The following SBF2 variants were observed in gnomAD, a reference collection of about 807,000 sequenced individuals.
The protein encoded by SBF2 is SET binding factor 2.
In SBF2, 112 loss-of-function variants were observed where a neutral mutation model predicts 225.2. The observed-to-expected ratio is 0.50, with a 90% CI of 0.43 to 0.58. The LOEUF (loss-of-function observed/expected upper bound fraction) is 0.58. Among genes scored for constraint, SBF2 ranks in the 20% least tolerant of loss-of-function variants. The pLI is 0.00. For missense variants in SBF2, 1,996 were observed against 2,206.2 expected (o/e 0.90, Z 1.91); for synonymous variants, 763 against 773.3 (o/e 0.99, Z 0.22).
chr11:10,070,029 T>G (rs1176707608), intron 2 of SBF2, among the ~76,000 whole-genome samples: 1 of 152,236 alleles, frequency 6.6e-6, no homozygotes, highest in Non-Finnish European at 1.5e-5. Context: ...TAAATTTGTT[T>G]AAGTTCTTTG....
At chr11:10,270,948 T>C (rs1261923124) in intron 1 of SBF2, among the ~76,000 whole-genome samples, 2 of 140,084 alleles carry the variant, frequency 1.4e-5, no homozygotes, top group African/African-American at 5.5e-5. Flanking sequence ...TGAGCCAAGA[T>C]TGTGCCACTG....
intron 2 of SBF2, among the ~76,000 whole-genome samples, chr11:10,134,017 G>A (rs1466989074): frequency 6.6e-6 from 1 of 152,224 alleles, no homozygotes; most frequent in Non-Finnish European, 1.5e-5. Context: ...ATTTTATGCT[G>A]CTGATAAAGA....
chr11:10,249,633 T>C (rs900967237), intron 1 of SBF2, among the ~76,000 whole-genome samples: 3 of 151,982 alleles, frequency 2.0e-5, no homozygotes, highest in African/African-American at 7.2e-5. Context: ...CTTTAACATA[T>C]TTAATAAGCT....
intron 14 of SBF2, among the ~76,000 whole-genome samples, chr11:9,964,975 G>C (rs1300838192): frequency 6.6e-6 from 1 of 152,080 alleles, no homozygotes; most frequent in East Asian, 1.9e-4. Flanking sequence ...CAACCAAAAT[G>C]ATGTATATTG....
chr11:10,225,566 T>C (rs1394362661), intron 1 of SBF2, among the ~76,000 whole-genome samples: 1 of 152,160 alleles, frequency 6.6e-6, no homozygotes, highest in Non-Finnish European at 1.5e-5. Flanking sequence ...TGATCCATTT[T>C]TGTGTCTTGT....
chr11:9,977,837 T>C (rs368784729), intron 13 of SBF2, among the ~76,000 whole-genome samples: 3 of 152,178 alleles, frequency 2.0e-5, no homozygotes, highest in African/African-American at 7.2e-5. Flanking sequence ...TTACAATTCA[T>C]CCTACTCACA....
intron 2 of SBF2, among the ~76,000 whole-genome samples, chr11:10,062,212 T>A (rs1565186464): frequency 1.3e-5 from 2 of 152,180 alleles, no homozygotes; most frequent in Non-Finnish European, 2.9e-5. Context: ...AAGACTTAAA[T>A]GTAAAACCCA....
chr11:9,994,317 A>G (rs981857584), intron 9 of SBF2, among the ~76,000 whole-genome samples: 2 of 151,754 alleles, frequency 1.3e-5, no homozygotes, highest in Admixed American at 6.6e-5. Flanking sequence ...TACTAAAAAT[A>G]CAAAAAAATT....
chr11:9,939,013 G>A lies in SBF2; in HGVS notation c.1860+22944C>T, dbSNP rs1032440639. 5.3e-5 allele frequency among the ~76,000 whole-genome samples: 8 copies of A among 152,134 alleles called. No individual in the cohort carries two copies. The East Asian group carries it at 5.8e-4, about 11-fold the overall frequency. ...AAAAAGTTAACCCAAAAGAAAAAAA[G>A]GCAAAAAGTATACATAAGCAAGTCA... On this transcript the variant is annotated intron_variant, in intron 16 of 39. Coordinates refer to ENST00000256190, the MANE Select transcript of SBF2 (RefSeq NM_030962.4).
intron 1 of SBF2, among the ~76,000 whole-genome samples, chr11:10,284,310 T>C (rs1022314025): frequency 6.6e-6 from 1 of 152,224 alleles, no homozygotes; most frequent in African/African-American, 2.4e-5. Context: ...TGCAATTTTA[T>C]CACACATGAA....
At chr11:9,915,712 G>A (rs1863027256) in intron 16 of SBF2, 1 of 152,018 alleles carries the variant, frequency 6.6e-6, no homozygotes, top group Admixed American at 6.6e-5. Context: ...TAAATAAAAT[G>A]TATAAAAAAC....
chr11:10,051,314 G>C (rs1308721201), intron 2 of SBF2, among the ~76,000 whole-genome samples: 1 of 152,110 alleles, frequency 6.6e-6, no homozygotes, highest in Non-Finnish European at 1.5e-5. Context: ...GAAAAAGAAT[G>C]TGAGAGTTTA....
At chr11:10,287,401 C>T (rs1297943347) in intron 1 of SBF2, among the ~76,000 whole-genome samples, 4 of 152,118 alleles carry the variant, frequency 2.6e-5, no homozygotes, top group East Asian at 1.9e-4. Context: ...CCCATCTTAG[C>T]ATCCGAAGTA....
intron 16 of SBF2, among the ~76,000 whole-genome samples, chr11:9,922,155 A>G (rs555873532): frequency 6.6e-6 from 1 of 152,140 alleles, no homozygotes; most frequent in Non-Finnish European, 1.5e-5. Flanking sequence ...CTGAGGTGGG[A>G]GGACTGGTTG....
Position 10,294,100 on chromosome 11 carries a change from C to T in SBF2, c.-31G>A, listed in dbSNP as rs1259222765. 1 of 1,332,252 alleles carries T rather than the reference C, an allele frequency of 7.5e-7. No homozygotes were observed. 82.5% of individuals were successfully genotyped at this position (1,332,252 alleles called of 1,614,324 possible). A position where few individuals can be genotyped will look rare whatever the true frequency, so the allele number is the denominator to read the frequency against. On this transcript the variant is annotated 5_prime_UTR_variant, in exon 1 of 40. Coordinates refer to ENST00000256190, the MANE Select transcript of SBF2 (RefSeq NM_030962.4). ...CCGCCGCCGCGCTCGGGAAGCGGGTCCCCGTCGCCGCCCTCGCCGCCGCCG... is the reference window on the plus strand; with the variant it reads ...CCGCCGCCGCGCTCGGGAAGCGGGTTCCCGTCGCCGCCCTCGCCGCCGCCG...
intron 36 of SBF2, among the ~76,000 whole-genome samples, chr11:9,786,649 T>C (rs1053787354): frequency 3.9e-5 from 6 of 152,188 alleles, no homozygotes; most frequent in Admixed American, 3.9e-4. Flanking sequence ...TCTGTTGCAT[T>C]TGGAGCCAGT....
At chr11:9,870,012 A>G (rs1858589431) in intron 17 of SBF2, among the ~76,000 whole-genome samples, 1 of 152,244 alleles carries the variant, frequency 6.6e-6, no homozygotes, top group Non-Finnish European at 1.5e-5. Flanking sequence ...AAGTCTCAGC[A>G]TACAAAAATC....
At chr11:9,830,775 C>A (rs79815090) in intron 27 of SBF2, among the ~76,000 whole-genome samples, 42,527 of 144,762 alleles carry the variant, frequency 0.29, 7,036 homozygotes, top group African/African-American at 0.46. Context: ...CAAAACAAAA[C>A]AAAAAACAAA....
At chr11:10,079,377 T>C (rs1054752655) in intron 2 of SBF2, among the ~76,000 whole-genome samples, 5 of 152,218 alleles carry the variant, frequency 3.3e-5, no homozygotes, top group African/African-American at 9.6e-5. Context: ...CAAAGATATC[T>C]ACATCCCCCT....
Sources: gnomAD v4.1 joint callset for allele counts (sites outside exome capture counted in the v4.1 genomes callset) on GRCh38, gnomAD v4.1.1 for gene constraint, MANE v1.5 for transcripts, NCBI Gene and HGNC (gene_info 2026-07-23, HGNC 2026-07-21) for gene names.